APTX: variants seen among roughly 807,000 people sequenced by gnomAD.
APTX encodes the protein aprataxin, also known as forkhead-associated domain histidine triad-like protein.
A neutral mutation model predicts 42.3 loss-of-function variants in APTX; 33 were observed. The ratio of observed to expected loss-of-function variants is 0.78; its 90% CI spans 0.59 to 1.04. The LOEUF (loss-of-function observed/expected upper bound fraction) is 1.04, where lower values mean the gene tolerates loss of function less well. APTX is among the 50% of genes least tolerant of loss of function. APTX has a pLI of 0.00. For missense variants in APTX, 421 were observed against 415.1 expected (o/e 1.01, Z -0.12); for synonymous variants, 130 against 146.7 (o/e 0.89, Z 0.82).
At chr9:33,006,659 G>A (rs912263223) in intron 1 of APTX, among the ~76,000 whole-genome samples, 1 of 152,106 alleles carries the variant, frequency 6.6e-6, no homozygotes, top group African/African-American at 2.4e-5. Context: ...ATTAGTCAGA[G>A]TTCTCCAGAG....
At chr9:32,978,705 G>C (rs1311115693) in intron 6 of APTX, among the ~76,000 whole-genome samples, 1 of 152,180 alleles carries the variant, frequency 6.6e-6, no homozygotes, top group Non-Finnish European at 1.5e-5. Context: ...GGTATCACCT[G>C]TCCCATAAAC....
At chr9:33,020,909 C>A (rs1008342935) in intron 1 of APTX, among the ~76,000 whole-genome samples, 1 of 152,054 alleles carries the variant, frequency 6.6e-6, no homozygotes, top group Non-Finnish European at 1.5e-5. Context: ...GCGGGCAGAT[C>A]ACCTGAGGTT....
chr9:33,006,038 T>G (rs1378022645), upstream of APTX, among the ~76,000 whole-genome samples: 3 of 152,014 alleles, frequency 2.0e-5, no homozygotes, highest in South Asian at 2.1e-4. Flanking sequence ...TTTTCAAGAT[T>G]GTTTTTGGCT....
At chr9:33,011,296 T>G (rs957272755) in intron 1 of APTX, among the ~76,000 whole-genome samples, 5 of 151,814 alleles carry the variant, frequency 3.3e-5, no homozygotes, top group African/African-American at 7.3e-5. Context: ...ATATTTTTTT[T>G]TTTTGTTTTG....
chr9:33,019,837 C>G (rs1838225804), intron 1 of APTX: 2 of 643,352 alleles, frequency 3.1e-6, no homozygotes, highest in South Asian at 3.9e-5. Flanking sequence ...TCCTGCCGCT[C>G]ACTGTGAGAT....
intron 2 of APTX, among the ~76,000 whole-genome samples, chr9:32,989,295 AT>A (rs1832975610): frequency 6.6e-6 from 1 of 152,086 alleles, no homozygotes; most frequent in African/African-American, 2.4e-5. Flanking sequence ...CATGGTAAGG[AT>A]TTTTTTCTGA....
intron 1 of APTX, among the ~76,000 whole-genome samples, chr9:32,999,888 A>T (rs1835856140): frequency 6.6e-6 from 1 of 152,188 alleles, no homozygotes; most frequent in African/African-American, 2.4e-5. Context: ...TGAACCCGGG[A>T]GGCGGAGCTT....
chr9:33,004,667 C>T (rs1222275230), upstream of APTX, among the ~76,000 whole-genome samples: 1 of 138,826 alleles, frequency 7.2e-6, no homozygotes, highest in African/African-American at 2.7e-5. Context: ...GAGTCTCGCT[C>T]TGTCACCCAG....
At position 33,001,598 on chromosome 9, in the gene APTX, T is replaced by A; in HGVS notation, c.-36A>T. On this transcript the variant is annotated 5_prime_UTR_variant, in exon 1 of 8. Coordinates refer to ENST00000379817, the MANE Select transcript of APTX (RefSeq NM_001195248.2). ...AAGTCGGAGACGGACAAATTCACGT[T>A]ACTCATCTGTGCCTCACCGCTTCCG... is the stretch of plus-strand genomic sequence containing the variant. The A allele has an allele frequency of 6.2e-7, 1 of 1,614,006 alleles. No homozygotes were observed. The highest frequency in any genetic ancestry group is 8.5e-7 in the Non-Finnish European group (1 of 1,180,028).
At chr9:32,978,363 A>C (rs948580516) in intron 6 of APTX, among the ~76,000 whole-genome samples, 1 of 152,202 alleles carries the variant, frequency 6.6e-6, no homozygotes, top group Non-Finnish European at 1.5e-5. Context: ...GTCTACATAG[A>C]AAAGAAGGTT....
chr9:32,990,203 C>T (rs749850604), intron 1 of APTX: 7 of 268,468 alleles, frequency 2.6e-5, no homozygotes, highest in Non-Finnish European at 5.0e-5. Flanking sequence ...GACAGAGTCT[C>T]GCTGTGTCCC....
At position 33,023,966 on chromosome 9, in the gene APTX, A is replaced by G. The variant is rs74899915; in HGVS notation, c.-5+1057T>C. ...ATCATATTCTTCCACACCTTAGTAT[A>G]GCCTTCCCCTGTGCTTTGTCCACTG... On this transcript the variant is annotated intron_variant, in intron 1 of 6. Coordinates refer to the APTX transcript ENST00000436040. 6.5e-4 allele frequency among the ~76,000 whole-genome samples: 99 copies of G among 152,328 alleles called. 2 individuals are homozygous for G. In the East Asian group the frequency reaches 0.018, roughly 27 times the overall value.
chr9:33,000,668 AAAAG>A (rs2119119487), intron 1 of APTX, among the ~76,000 whole-genome samples: 1 of 151,190 alleles, frequency 6.6e-6, no homozygotes, highest in East Asian at 1.9e-4. Context: ...GAAAAAGAAA[AAAAG>A]AAAGTAATAA....
chr9:33,011,581 G>A (rs1837547868), intron 1 of APTX, among the ~76,000 whole-genome samples: 1 of 152,102 alleles, frequency 6.6e-6, no homozygotes, highest in Non-Finnish European at 1.5e-5. Flanking sequence ...CACCGCGCCC[G>A]CCCGAAGTGC....
At chr9:32,974,057 T>C (rs527983160) in intron 7 of APTX, among the ~76,000 whole-genome samples, 15 of 152,184 alleles carry the variant, frequency 9.9e-5, no homozygotes, top group African/African-American at 3.4e-4. Flanking sequence ...TTCTTCTACA[T>C]ATACACAGGG....
chr9:33,016,713 A>G (rs754438348), intron 1 of APTX, among the ~76,000 whole-genome samples: 22 of 151,904 alleles, frequency 1.4e-4, no homozygotes, highest in African/African-American at 5.3e-4. Flanking sequence ...GAAAAACAAA[A>G]CTATCTGAAA....
intron 1 of APTX, among the ~76,000 whole-genome samples, chr9:32,991,189 G>A (rs182620615): frequency 5.7e-4 from 87 of 152,246 alleles, no homozygotes; most frequent in Non-Finnish European, 9.4e-4. Context: ...GCCTCCCAAA[G>A]TGCTGGGATT....
At chr9:33,024,090 TC>T (rs776516059) in intron 1 of APTX, among the ~76,000 whole-genome samples, 2 of 152,254 alleles carry the variant, frequency 1.3e-5, no homozygotes, top group East Asian at 1.9e-4. Flanking sequence ...CCTACTGACT[TC>T]TACCTCATGG....
At chr9:32,988,686 GAAAAAAA>G (rs201425898) in intron 2 of APTX, among the ~76,000 whole-genome samples, 1 of 70,866 alleles carries the variant, frequency 1.4e-5, no homozygotes. Context: ...ATCTCAGGAG[GAAAAAAA>G]AAAAAAAAAA....
Sources: allele counts gnomAD v4.1 joint callset (sites outside exome capture counted in the v4.1 genomes callset), GRCh38; gene constraint gnomAD v4.1.1; transcripts MANE v1.5; gene names NCBI Gene and HGNC (gene_info 2026-07-23, HGNC 2026-07-21).